The following ASXL3 variants were observed in gnomAD, a reference collection of about 807,000 sequenced individuals.
ASXL3 encodes the protein putative Polycomb group protein ASXL3.
Under a neutral mutation model 170.6 loss-of-function variants are expected in ASXL3, and 34 were observed. The ratio of observed to expected loss-of-function variants is 0.20; its 90% CI spans 0.15 to 0.27. ASXL3 has a LOEUF of 0.27. Ranked by LOEUF, ASXL3 falls within the 10% of genes least tolerant of loss-of-function variation. The pLI is 1.00. For missense variants in ASXL3, 2,592 were observed against 2,695.3 expected, an observed-to-expected ratio of 0.96 and a Z score of 0.85; for synonymous variants, 1,002 against 989.1, an observed-to-expected ratio of 1.01 and a Z score of -0.24.
chr18:33,623,558 T>C (rs1362583353), intron 2 of ASXL3, among the ~76,000 whole-genome samples: 2 of 152,166 alleles, frequency 1.3e-5, no homozygotes, highest in Non-Finnish European at 2.9e-5. Context: ...AGTTGTAAGA[T>C]ATTTAGTTTA....
At chr18:33,636,322 AACAACAACAACAGCAACAACAACAGCC>A (rs1470584866) in intron 2 of ASXL3, among the ~76,000 whole-genome samples, 12 of 104,740 alleles carry the variant, frequency 1.1e-4, no homozygotes, top group South Asian at 3.3e-4. Context: ...CAACAACAAC[AACAACAACAACAGCAACAACAACAGCC>A]ACAACAACAG....
At chr18:33,584,771 A>G (rs928518577) in intron 1 of ASXL3, among the ~76,000 whole-genome samples, 10 of 152,148 alleles carry the variant, frequency 6.6e-5, no homozygotes, top group African/African-American at 1.2e-4. Flanking sequence ...GATACACCCA[A>G]TATCATCATC....
At chr18:33,722,450 T>C (rs2067278678) in intron 8 of ASXL3, among the ~76,000 whole-genome samples, 1 of 152,150 alleles carries the variant, frequency 6.6e-6, no homozygotes, top group African/African-American at 2.4e-5. Flanking sequence ...GAGGAAGTTT[T>C]AGTGGTCTGG....
chr18:33,705,311 C>G (rs908414471), intron 8 of ASXL3, among the ~76,000 whole-genome samples: 1 of 150,664 alleles, frequency 6.6e-6, no homozygotes, highest in Admixed American at 6.6e-5. Context: ...TACCATCCCA[C>G]CAACTTTATA....
chr18:33,627,757 G>T (rs1347480424), intron 2 of ASXL3, among the ~76,000 whole-genome samples: 15 of 152,040 alleles, frequency 9.9e-5, no homozygotes, highest in Non-Finnish European at 1.5e-5. Context: ...CCTCTACTTT[G>T]CCTTAAACTG....
At chr18:33,683,322 A>G in intron 7 of ASXL3, 83 bp from the exon 8 acceptor site, 7 of 1,192,138 alleles carry the variant, frequency 5.9e-6, no homozygotes, top group Non-Finnish European at 8.1e-6. Context: ...TTCACTAGAT[A>G]TATGTGGCTG....
In ASXL3 at chr18:33,744,826, C is replaced by T; in HGVS notation, c.4978C>T (p.Leu1660Phe). Residue 1660 changes from leucine (L) to phenylalanine (F), a missense_variant, in exon 12 of 12, where the codon CTT (leucine) becomes TTT (phenylalanine). Leu to Phe is a conservative substitution (Grantham distance 22, BLOSUM62 0). This residue lies in a region of ASXL3 where 2,246 missense variants were observed against 2,219.6 expected (regional missense o/e 1.01). Transcript: ENST00000269197. Reference sequence around the variant, plus strand: ...CGTGTCAGAACTTCATCCCAGGAATCTTGTAACAAATGTTGCTCTTCCTGT... The same window carrying T: ...CGTGTCAGAACTTCATCCCAGGAATTTTGTAACAAATGTTGCTCTTCCTGT... ...LNVSELHPRN[L>F]VTNVALPVKS... 5.0e-6 allele frequency: 8 copies of T among 1,614,034 alleles called. No homozygotes were observed. Among genetic ancestry groups the T allele is most frequent in the Non-Finnish European group, 6.8e-6 (8 of 1,179,878 alleles).
intron 4 of ASXL3, among the ~76,000 whole-genome samples, chr18:33,650,109 T>G (rs984031679): frequency 6.6e-6 from 1 of 152,116 alleles, no homozygotes; most frequent in African/African-American, 2.4e-5. Flanking sequence ...TGGTGGCCCT[T>G]GCATAAGATA....
At chr18:33,614,047 A>G (rs1198685970) in intron 2 of ASXL3, among the ~76,000 whole-genome samples, 1 of 152,126 alleles carries the variant, frequency 6.6e-6, no homozygotes, top group Non-Finnish European at 1.5e-5. Flanking sequence ...GAAGGATGGA[A>G]TGGCTGTGGC....
Position 33,744,550 on chromosome 18 carries a change from A to G in ASXL3, c.4702A>G (p.Lys1568Glu), listed in dbSNP as rs2067734333. Reference protein sequence around the residue: ...SLRELPLVPDKLNEPTAPSHN... With the variant: ...SLRELPLVPDELNEPTAPSHN... Reference sequence around the variant, plus strand: ...CCGAGAATTACCCCTTGTTCCAGATAAATTAAATGAGCCGACTGCTCCCAG... The same window carrying G: ...CCGAGAATTACCCCTTGTTCCAGATGAATTAAATGAGCCGACTGCTCCCAG... The change falls in exon 12 of 12, where the codon AAA becomes GAA. Residue 1568 changes from lysine (K) to glutamate (E), a missense_variant. Lys to Glu is a moderately conservative substitution (Grantham distance 56). Transcript: ENST00000269197. 1 of 1,611,858 alleles carries G rather than the reference A, an allele frequency of 6.2e-7. No individual in the cohort carries two copies. Among genetic ancestry groups the G allele is most frequent in the Non-Finnish European group, 8.5e-7 (1 of 1,179,392 alleles).
chr18:33,618,241 G>A (rs190995976), intron 2 of ASXL3, among the ~76,000 whole-genome samples: 40 of 152,174 alleles, frequency 2.6e-4, no homozygotes, highest in African/African-American at 8.7e-4. Context: ...AAGCAAAAAT[G>A]AAATTGATAA....
At chr18:33,644,814 G>T (rs2065895462) in intron 2 of ASXL3, 80 bp from the exon 3 acceptor site, 2 of 817,034 alleles carry the variant, frequency 2.4e-6, no homozygotes, top group Non-Finnish European at 3.6e-6. Context: ...TTAAGAGAGA[G>T]CGAGCGAGAC....
At chr18:33,718,040 T>TA (rs1203976552) in intron 8 of ASXL3, among the ~76,000 whole-genome samples, 1 of 152,124 alleles carries the variant, frequency 6.6e-6, no homozygotes, top group African/African-American at 2.4e-5. Flanking sequence ...ATGTTCCTTA[T>TA]AAAATCTGTT....
chr18:33,674,955 C>A (rs771559428), intron 7 of ASXL3, among the ~76,000 whole-genome samples: 7 of 152,068 alleles, frequency 4.6e-5, no homozygotes, highest in Non-Finnish European at 7.4e-5. Flanking sequence ...TTTTAATGCC[C>A]TATTAGAATC....
chr18:33,701,514 A>G (rs1041774575), intron 8 of ASXL3, among the ~76,000 whole-genome samples: 3 of 152,030 alleles, frequency 2.0e-5, no homozygotes, highest in African/African-American at 7.2e-5. Context: ...TTTTTATTAA[A>G]TTTATTCCTT....
chr18:33,626,010 T>C (rs2065596118), intron 2 of ASXL3: 2 of 152,182 alleles, frequency 1.3e-5, no homozygotes, highest in African/African-American at 4.8e-5. Flanking sequence ...GCAGTAGGAC[T>C]AAAAGTTCCA....
At chr18:33,687,623 G>C (rs1170557732) in intron 8 of ASXL3, among the ~76,000 whole-genome samples, 1 of 152,016 alleles carries the variant, frequency 6.6e-6, no homozygotes, top group Non-Finnish European at 1.5e-5. Flanking sequence ...GCTGAGTTTC[G>C]CATTTATCTT....
chr18:33,731,573 ACTT>A lies in ASXL3; in HGVS notation c.880-391_880-389del, dbSNP rs576135044. Reference sequence around the variant, plus strand: ...TATTCTCCGAGCTTTTACATTTTGAACTTCTTAATTCTCACTCACCTAATGCTT... The same window carrying A: ...TATTCTCCGAGCTTTTACATTTTGAACTTAATTCTCACTCACCTAATGCTT... On this transcript the variant is annotated intron_variant, in intron 8 of 11. Transcript: ENST00000269197. Among the ~76,000 whole-genome samples, 210 of 152,248 alleles carry A rather than the reference ACTT, an allele frequency of 1.4e-3. 1 individual carries two copies. In the Middle Eastern group the frequency reaches 0.017, roughly 12 times the overall value.
rs2067763399 is a variant in ASXL3, at chr18:33,745,443, C to T, written c.5595C>T (p.Ile1865=). ...TGCCTTGTGTCATCAGTTCCGGCAT[C>T]AGTCAGCTAGGACACAGCCAGCCAT... ...KGVPCVISSG[I]SQLGHSQPFK... Residue 1865 remains isoleucine, a synonymous_variant, in exon 12 of 12, where the codon ATC becomes ATT. Transcript: ENST00000269197. The T allele has an allele frequency of 1.2e-6, 2 of 1,613,898 alleles. No homozygotes were observed. The highest frequency in any genetic ancestry group is 3.3e-5 in the Admixed American group (2 of 60,008).
Sources: gnomAD v4.1 joint callset for allele counts (sites outside exome capture counted in the v4.1 genomes callset) on GRCh38, gnomAD v4.1.1 for gene constraint, gnomAD v4.1.1 regional missense constraint, MANE v1.5 for transcripts, NCBI Gene and HGNC (gene_info 2026-07-23, HGNC 2026-07-21) for gene names.